ARHGEF12: variants seen among roughly 807,000 people sequenced by gnomAD.
ARHGEF12 encodes KMT2A/ARHGEF12 fusion protein.
Under a neutral mutation model 211.2 loss-of-function variants are expected in ARHGEF12, and 66 were observed. The observed-to-expected ratio is 0.31, with a 90% CI of 0.26 to 0.38. ARHGEF12 has a LOEUF of 0.38. Among genes scored for constraint, ARHGEF12 ranks in the 10% least tolerant of loss-of-function variants. The pLI, the probability that ARHGEF12 is intolerant of heterozygous loss-of-function variation, is 1.00. For synonymous variants in ARHGEF12, 592 were observed against 638.4 expected (o/e 0.93, Z 1.09); for missense variants, 1,429 against 1,869.5 (o/e 0.76, Z 4.34).
In ARHGEF12 at chr11:120,457,205, C is replaced by T. The variant is rs1042741855; in HGVS notation, c.2144C>T (p.Pro715Leu). The T allele has an allele frequency of 1.2e-6, 2 of 1,613,972 alleles. No homozygotes were observed. Among genetic ancestry groups the T allele is most frequent in the Non-Finnish European group, 1.7e-6 (2 of 1,180,002 alleles). ...RTLNTVFDFP[P>L]PPLDQVQEEE... The stretch of plus-strand genomic sequence containing the variant: ...CTCAATACTGTCTTTGATTTCCCAC[C>T]ACCTCCATTAGACCAAGTGCAGGAG... The change falls in exon 23 of 41, where the codon CCA (proline) becomes CTA (leucine). Residue 715 changes from proline to leucine, a missense_variant. Pro to Leu is a moderately conservative substitution (Grantham distance 98, BLOSUM62 -3). Coordinates refer to ENST00000397843, the MANE Select transcript of ARHGEF12 (RefSeq NM_015313.3).
intron 1 of ARHGEF12, among the ~76,000 whole-genome samples, chr11:120,402,859 T>C (rs1944582801): frequency 6.6e-6 from 1 of 152,250 alleles, no homozygotes; most frequent in African/African-American, 2.4e-5. Context: ...CAAAACTTTC[T>C]GGTCCTTTGC....
At chr11:120,437,189 A>G (rs532911750) in intron 11 of ARHGEF12, 119 bp from the exon 12 acceptor site, 8 of 613,966 alleles carry the variant, frequency 1.3e-5, no homozygotes, top group Admixed American at 1.0e-4. Context: ...TACGAAAGAT[A>G]TTTAGTAGTT....
chr11:120,364,780 G>A (rs1465145823), intron 1 of ARHGEF12, among the ~76,000 whole-genome samples: 1 of 151,152 alleles, frequency 6.6e-6, no homozygotes, highest in Non-Finnish European at 1.5e-5. Flanking sequence ...AAACATTCAT[G>A]TGATGCTTTT....
chr11:120,465,923 A>G (rs1946694439), intron 28 of ARHGEF12, among the ~76,000 whole-genome samples: 1 of 152,268 alleles, frequency 6.6e-6, no homozygotes, highest in Admixed American at 6.5e-5. Flanking sequence ...AAACAACCGT[A>G]TGCTCTATTA....
At chr11:120,391,793 CTCT>C (rs1187251783) in intron 1 of ARHGEF12, among the ~76,000 whole-genome samples, 1 of 152,166 alleles carries the variant, frequency 6.6e-6, no homozygotes, top group African/African-American at 2.4e-5. Context: ...TCTTATTTTT[CTCT>C]TTTTTCTAAA....
chr11:120,458,387 C>G, intron 25 of ARHGEF12, 153 bp downstream of exon 25: 1 of 708,790 alleles, frequency 1.4e-6, no homozygotes. Context: ...TCCTTGAACT[C>G]AAGAAAATGC....
intron 21 of ARHGEF12, chr11:120,450,498 T>C (rs1329914276): frequency 6.6e-6 from 1 of 151,636 alleles, no homozygotes; most frequent in Non-Finnish European, 1.5e-5. Context: ...TTGAGAAACA[T>C]TGAGAAGGTG....
chr11:120,444,922 G>A (rs1162628389), intron 15 of ARHGEF12, among the ~76,000 whole-genome samples: 1 of 152,170 alleles, frequency 6.6e-6, no homozygotes. Flanking sequence ...CACTGGGAGT[G>A]TGACATTGTG....
Position 120,460,669 on chromosome 11 carries a change from T to C in ARHGEF12, c.2528-3T>C. 6.2e-7 allele frequency: 1 copy of C among 1,611,778 alleles called. No individual in the cohort carries two copies. Among genetic ancestry groups the C allele is most frequent in the Non-Finnish European group, 8.5e-7 (1 of 1,178,270 alleles). On this transcript the variant is annotated splice_polypyrimidine_tract_variant and splice_region_variant and intron_variant, in intron 26 of 40. Coordinates refer to ENST00000397843, the MANE Select transcript of ARHGEF12 (RefSeq NM_015313.3). ...TAACGTTTTTCTATCTTTTTATCTT[T>C]AGTTGGATTGAATGAACAAATGAAG...
At chr11:120,467,639 C>T (rs1301902672) in intron 29 of ARHGEF12, among the ~76,000 whole-genome samples, 1 of 141,958 alleles carries the variant, frequency 7.0e-6, no homozygotes, top group African/African-American at 2.6e-5. Flanking sequence ...AAGGGTCTCA[C>T]TATGTTGCTC....
chr11:120,399,169 A>T (rs1350309988), intron 1 of ARHGEF12, among the ~76,000 whole-genome samples: 1 of 151,472 alleles, frequency 6.6e-6, no homozygotes, highest in Non-Finnish European at 1.5e-5. Flanking sequence ...TTCTTAAAAA[A>T]TTTAGCTGGG....
At chr11:120,433,759 G>A (rs1436466223) in intron 11 of ARHGEF12, among the ~76,000 whole-genome samples, 1 of 152,074 alleles carries the variant, frequency 6.6e-6, no homozygotes, top group East Asian at 1.9e-4. Flanking sequence ...TTCAAAACCA[G>A]CCTGGCCAAC....
At chr11:120,459,589 T>C (rs944077860) in intron 26 of ARHGEF12, among the ~76,000 whole-genome samples, 3 of 152,126 alleles carry the variant, frequency 2.0e-5, no homozygotes, top group Admixed American at 6.5e-5. Context: ...GAAAATTTTC[T>C]ATCAATTATA....
intron 1 of ARHGEF12, among the ~76,000 whole-genome samples, chr11:120,398,092 G>T (rs759571959): frequency 3.3e-5 from 5 of 152,164 alleles, no homozygotes; most frequent in Non-Finnish European, 5.9e-5. Context: ...GGAAACTACA[G>T]TTTGGAAAAA....
At chr11:120,439,255 A>C (rs932666784) in intron 12 of ARHGEF12, 1 of 152,212 alleles carries the variant, frequency 6.6e-6, no homozygotes, top group Admixed American at 6.5e-5. Flanking sequence ...ATGGGAAACT[A>C]TCTGACAATC....
intron 1 of ARHGEF12, among the ~76,000 whole-genome samples, chr11:120,391,473 A>C (rs905208061): frequency 7.2e-5 from 11 of 152,224 alleles, no homozygotes; most frequent in African/African-American, 2.7e-4. Flanking sequence ...AGAGCAGTAC[A>C]AAGGCCACAT....
At chr11:120,478,998 A>G (rs1429271325) in intron 37 of ARHGEF12, among the ~76,000 whole-genome samples, 1 of 152,100 alleles carries the variant, frequency 6.6e-6, no homozygotes, top group African/African-American at 2.4e-5. Context: ...TGCTTCCCCC[A>G]CCTCCTTCCA....
At chr11:120,356,637 T>C (rs1943138533) in intron 1 of ARHGEF12, among the ~76,000 whole-genome samples, 1 of 152,226 alleles carries the variant, frequency 6.6e-6, no homozygotes, top group Non-Finnish European at 1.5e-5. Flanking sequence ...TATTTCTGGT[T>C]GAGCCCTTTT....
rs1360393726 is a variant in ARHGEF12 at position 120,488,809 on chromosome 11, TTATTAA to T, written c.*3735_*3740del. ...ATCTGGAACTATCTTTAAAAAAACTTTATTAATAATCATGTATTTTTACTGATCACA... is the reference window on the plus strand; with the variant it reads ...ATCTGGAACTATCTTTAAAAAAACTTTAATCATGTATTTTTACTGATCACA... On this transcript the variant is annotated 3_prime_UTR_variant, in exon 41 of 41. Coordinates refer to ENST00000397843, the MANE Select transcript of ARHGEF12 (RefSeq NM_015313.3). 9.5e-6 allele frequency: 2 copies of T among 209,490 alleles called. No homozygotes were observed. Among genetic ancestry groups the T allele is most frequent in the African/African-American group, 4.5e-5 (2 of 44,020 alleles). The allele number at this position is 209,490 out of a possible 1,614,324, so 13.0% of individuals were successfully genotyped here.
Sources: gnomAD v4.1 joint callset for allele counts (sites outside exome capture counted in the v4.1 genomes callset) on GRCh38, gnomAD v4.1.1 for gene constraint, MANE v1.5 for transcripts, NCBI Gene and HGNC (gene_info 2026-07-23, HGNC 2026-07-21) for gene names.